The following ATP6V0C variants were observed in gnomAD, a reference collection of about 807,000 sequenced individuals.
The protein encoded by ATP6V0C is ATPase H+ transporting V0 subunit c.
In ATP6V0C, 2 loss-of-function variants were observed where a neutral mutation model predicts 10.6. The ratio of observed to expected loss-of-function variants is 0.19; its 90% CI spans 0.08 to 0.59. ATP6V0C has a LOEUF of 0.59. Ranked by LOEUF, ATP6V0C falls within the 20% of genes least tolerant of loss-of-function variation. The pLI is 0.90. For synonymous variants in ATP6V0C, 128 were observed against 101.3 expected (o/e 1.26, Z -1.59); for missense variants, 89 against 225.9 (o/e 0.39, Z 3.88).
Position 2,514,194 on chromosome 16 carries a change from G to A in ATP6V0C, c.79+12G>A. 6.5e-7 allele frequency: 1 copy of A among 1,545,580 alleles called. No individual in the cohort carries two copies. The highest frequency in any genetic ancestry group is 1.2e-5 in the South Asian group (1 of 83,508). ...CATGGTCTTCAGCGGTGAGCGCGGC[G>A]GCGGGAGGGACTCGGGGGCGGGGGC... On this transcript the variant is annotated intron_variant, in intron 1 of 2. Transcript: ENST00000330398.
chr16:2,519,478 C>G, intron 2 of ATP6V0C, 63 bp from the exon 3 acceptor site: 3 of 1,551,974 alleles, frequency 1.9e-6, no homozygotes, highest in Non-Finnish European at 8.7e-7. Flanking sequence ...GGGTGGTGAC[C>G]CGGACCCTTG....
Position 2,519,266 on chromosome 16 carries a change from C to T in ATP6V0C, c.128C>T (p.Ala43Val). 1 of 1,614,082 alleles carries T rather than the reference C, an allele frequency of 6.2e-7. No homozygotes were observed. The highest frequency in any genetic ancestry group is 8.5e-7 in the Non-Finnish European group (1 of 1,179,952). Reference protein sequence around the residue: ...GTAKSGTGIAAMSVMRPEQIM... With the variant: ...GTAKSGTGIAVMSVMRPEQIM... ...GCCAAGAGCGGTACCGGCATTGCGG[C>T]CATGTCTGTCATGCGGCCGGAGCAG... The change falls in exon 2 of 3, where the codon GCC becomes GTC. Residue 43 changes from alanine to valine, a missense_variant. By Grantham distance (64) the Ala-to-Val change is moderately conservative. Transcript: ENST00000330398.
chr16:2,519,942 C>G lies in ATP6V0C; in HGVS notation c.*197C>G, dbSNP rs765328916. 1.3e-6 allele frequency: 1 copy of G among 788,184 alleles called. No homozygotes were observed. The allele number at this position is 788,184 out of a possible 1,614,324, so 48.8% of individuals were successfully genotyped here. A position where few individuals can be genotyped will look rare whatever the true frequency, so the allele number is the denominator to read the frequency against. Reference sequence around the variant, plus strand: ...CCCGTGCCGTGGACATCTGGGCCCACTCATCGCCCCTCCAGGCCCCCGGCG... The same window carrying G: ...CCCGTGCCGTGGACATCTGGGCCCAGTCATCGCCCCTCCAGGCCCCCGGCG... On this transcript the variant is annotated 3_prime_UTR_variant, in exon 3 of 3. Coordinates refer to ENST00000330398, the MANE Select transcript of ATP6V0C (RefSeq NM_001694.4).
rs910498878 is a variant in ATP6V0C, at chr16:2,514,017, C to G, written c.-87C>G. ...CCGGATCGCCTTCGCCGCCGCCCGCCCGCAAACCTTCGTGCCCGGCCCGTC... is the reference window on the plus strand; with the variant it reads ...CCGGATCGCCTTCGCCGCCGCCCGCGCGCAAACCTTCGTGCCCGGCCCGTC... On this transcript the variant is annotated 5_prime_UTR_variant, in exon 1 of 3. Coordinates refer to ENST00000330398, the MANE Select transcript of ATP6V0C (RefSeq NM_001694.4). 4.6e-6 allele frequency: 6 copies of G among 1,296,330 alleles called. No individual in the cohort carries two copies. Among genetic ancestry groups the G allele is most frequent in the Non-Finnish European group, 6.4e-6 (6 of 944,060 alleles). The allele number at this position is 1,296,330 out of a possible 1,614,324, so 80.3% of individuals were successfully genotyped here. A position where few individuals can be genotyped will look rare whatever the true frequency, so the allele number is the denominator to read the frequency against.
At chr16:2,515,724 G>A (rs1382464668) in intron 1 of ATP6V0C, among the ~76,000 whole-genome samples, 1 of 152,180 alleles carries the variant, frequency 6.6e-6, no homozygotes, top group African/African-American at 2.4e-5. Flanking sequence ...TGGGGTATTA[G>A]CTTGTGGCTG....
At chr16:2,514,309 C>T in intron 1 of ATP6V0C, 127 bp downstream of exon 1, 1 of 1,041,998 alleles carries the variant, frequency 9.6e-7, no homozygotes. Context: ...GCCCGGGCCT[C>T]GTGTGACAGC....
intron 1 of ATP6V0C, 117 bp from the exon 2 acceptor site, chr16:2,519,101 C>A: frequency 8.2e-7 from 1 of 1,225,214 alleles, no homozygotes; most frequent in Non-Finnish European, 1.1e-6. Flanking sequence ...CTTCGGCTCC[C>A]CCTCTGCATG....
At chr16:2,516,331 A>T (rs1364546562) in intron 1 of ATP6V0C, among the ~76,000 whole-genome samples, 1 of 151,600 alleles carries the variant, frequency 6.6e-6, no homozygotes, top group Non-Finnish European at 1.5e-5. Flanking sequence ...CTGGTCTCAA[A>T]CTCCTTGTTG....
Position 2,520,078 on chromosome 16 carries a change from C to T in ATP6V0C, c.*333C>T, listed in dbSNP as rs1430394627. On this transcript the variant is annotated 3_prime_UTR_variant, in exon 3 of 3. Coordinates refer to ENST00000330398, the MANE Select transcript of ATP6V0C (RefSeq NM_001694.4). ...CTGTTCCTGCGTCTGCGGAGCGGCC[C>T]TTGTCTCCCAGCTATCTATAACCTT... 1 of 620,716 alleles carries T rather than the reference C, an allele frequency of 1.6e-6. No individual in the cohort carries two copies. Among genetic ancestry groups the T allele is most frequent in the Admixed American group, 2.1e-5 (1 of 47,276 alleles). The allele number at this position is 620,716 out of a possible 1,614,324, so 38.5% of individuals were successfully genotyped here.
At chr16:2,517,938 G>A (rs370639901) in intron 1 of ATP6V0C, 7 of 152,156 alleles carry the variant, frequency 4.6e-5, no homozygotes, top group African/African-American at 1.7e-4. Flanking sequence ...GCTAATTTTT[G>A]TATTTTTAGT....
chr16:2,519,854 G>A lies in ATP6V0C; in HGVS notation c.*109G>A. 7.1e-7 allele frequency: 1 copy of A among 1,407,950 alleles called. No individual in the cohort carries two copies. The highest frequency in any genetic ancestry group is 9.9e-7 in the Non-Finnish European group (1 of 1,007,420). 87.2% of individuals were successfully genotyped at this position (1,407,950 alleles called of 1,614,324 possible). A position where few individuals can be genotyped will look rare whatever the true frequency, so the allele number is the denominator to read the frequency against. The stretch of plus-strand genomic sequence containing the variant: ...ACGGGGCCGCCGCCCCCAGTAGTTG[G>A]TCTTGTACATGCGCAGTGTCCTAGT... On this transcript the variant is annotated 3_prime_UTR_variant, in exon 3 of 3. Coordinates refer to ENST00000330398, the MANE Select transcript of ATP6V0C (RefSeq NM_001694.4).
chr16:2,514,995 G>C (rs1040837760), intron 1 of ATP6V0C, among the ~76,000 whole-genome samples: 3 of 152,190 alleles, frequency 2.0e-5, no homozygotes, highest in Admixed American at 1.3e-4. Context: ...TTGCCCTCAG[G>C]ACTGAGGCTT....
chr16:2,514,047 C>A lies in ATP6V0C; in HGVS notation c.-57C>A, dbSNP rs946448247. ...AACCTTCGTGCCCGGCCCGTCCTCG[C>A]CCCCGCCTCCGCCACCGCCTCGGCC... On this transcript the variant is annotated 5_prime_UTR_variant, in exon 1 of 3. Coordinates refer to ENST00000330398, the MANE Select transcript of ATP6V0C (RefSeq NM_001694.4). 10 of 1,489,350 alleles carry A rather than the reference C, an allele frequency of 6.7e-6. No individual in the cohort carries two copies. The African/African-American group carries it at 8.7e-5, about 13-fold the overall frequency. 92.3% of individuals were successfully genotyped at this position (1,489,350 alleles called of 1,614,324 possible). A position where few individuals can be genotyped will look rare whatever the true frequency, so the allele number is the denominator to read the frequency against.
intron 1 of ATP6V0C, among the ~76,000 whole-genome samples, chr16:2,514,704 C>T (rs372152209): frequency 6.6e-6 from 1 of 152,020 alleles, no homozygotes; most frequent in Admixed American, 6.5e-5. Flanking sequence ...TTATGGCGGC[C>T]GGCCCCGAGG....
rs757746837 is a variant in ATP6V0C at position 2,514,081 on chromosome 16, T to C, written c.-23T>C. ...CCGCCACCGCCTCGGCCCGCAGAGC[T>C]TGCCCCCTCCCCACCCGCAGACATG... On this transcript the variant is annotated 5_prime_UTR_variant, in exon 1 of 3. Transcript: ENST00000330398. The C allele has an allele frequency of 6.4e-7, 1 of 1,555,512 alleles. No homozygotes were observed. The highest frequency in any genetic ancestry group is 8.7e-7 in the Non-Finnish European group (1 of 1,151,220).
At chr16:2,515,719 T>G (rs974197094) in intron 1 of ATP6V0C, among the ~76,000 whole-genome samples, 3 of 152,136 alleles carry the variant, frequency 2.0e-5, no homozygotes, top group African/African-American at 7.2e-5. Context: ...ACCTGTGGGG[T>G]ATTAGCTTGT....
Position 2,514,685 on chromosome 16 carries a change from C to T in ATP6V0C, c.79+503C>T, listed in dbSNP as rs551530416. Among the ~76,000 whole-genome samples, 418 of 152,220 alleles carry T rather than the reference C, an allele frequency of 2.7e-3. 3 individuals carry two copies. The highest frequency in any genetic ancestry group is 8.6e-3 in the African/African-American group (359 of 41,538). On this transcript the variant is annotated intron_variant, in intron 1 of 2. Transcript: ENST00000330398. Reference sequence around the variant, plus strand: ...CATGTCCCCCACGGGAGGTCCTCAGCCCTCGCCCTTATGGCGGCCGGCCCC... The same window carrying T: ...CATGTCCCCCACGGGAGGTCCTCAGTCCTCGCCCTTATGGCGGCCGGCCCC...
chr16:2,519,788 C>T lies in ATP6V0C; in HGVS notation c.*43C>T, dbSNP rs1402746595. On this transcript the variant is annotated 3_prime_UTR_variant, in exon 3 of 3. Coordinates refer to ENST00000330398, the MANE Select transcript of ATP6V0C (RefSeq NM_001694.4). ...CAGCCACAGAATATTATGTAAAGAC[C>T]ACCCCTCCTCATTCCAGAACGAACA... The T allele has an allele frequency of 6.3e-6, 10 of 1,579,196 alleles. No individual in the cohort carries two copies. The highest frequency in any genetic ancestry group is 4.3e-6 in the Non-Finnish European group (5 of 1,155,908).
intron 1 of ATP6V0C, 109 bp from the exon 2 acceptor site, chr16:2,519,109 A>G (rs546231719): frequency 1.9e-5 from 24 of 1,273,602 alleles, no homozygotes; most frequent in Non-Finnish European, 1.5e-5. Context: ...CCCCCTCTGC[A>G]TGTGATAACT....
Sources: gnomAD v4.1 joint callset for allele counts (sites outside exome capture counted in the v4.1 genomes callset) on GRCh38, gnomAD v4.1.1 for gene constraint, MANE v1.5 for transcripts, NCBI Gene and HGNC (gene_info 2026-07-23, HGNC 2026-07-21) for gene names.